The following ASIC2 variants were observed in gnomAD, a reference collection of about 807,000 sequenced individuals.
The protein encoded by ASIC2 is acid sensing ion channel subunit 2.
A neutral mutation model predicts 57.3 loss-of-function variants in ASIC2; 25 were observed. That is an observed-to-expected ratio of 0.44 (90% CI 0.32 to 0.61). The LOEUF (loss-of-function observed/expected upper bound fraction) is 0.61, where lower values mean the gene tolerates loss of function less well. ASIC2 is among the 20% of genes least tolerant of loss of function. The pLI is 0.06. For missense variants in ASIC2, 641 were observed against 738.1 expected, an observed-to-expected ratio of 0.87 and a Z score of 1.52; for synonymous variants, 319 against 307.5, an observed-to-expected ratio of 1.04 and a Z score of -0.39.
At chr17:33,474,451 T>G (rs894411572) in intron 1 of ASIC2, among the ~76,000 whole-genome samples, 3 of 152,154 alleles carry the variant, frequency 2.0e-5, no homozygotes, top group African/African-American at 7.2e-5. Context: ...ACAAAGGGAC[T>G]AGTGAGAAAG....
At chr17:33,626,575 G>A (rs1905990641) in intron 1 of ASIC2, among the ~76,000 whole-genome samples, 1 of 152,160 alleles carries the variant, frequency 6.6e-6, no homozygotes, top group African/African-American at 2.4e-5. Flanking sequence ...GGTACATCAT[G>A]CTTTGGGAAA....
chr17:34,020,678 T>C (rs978764763), intron 1 of ASIC2, among the ~76,000 whole-genome samples: 9 of 151,844 alleles, frequency 5.9e-5, no homozygotes, highest in African/African-American at 2.2e-4. Flanking sequence ...CTCAAGAAAA[T>C]GAGGACCTCA....
chr17:33,640,996 A>G (rs1906545481), intron 1 of ASIC2, among the ~76,000 whole-genome samples: 1 of 152,206 alleles, frequency 6.6e-6, no homozygotes, highest in African/African-American at 2.4e-5. Flanking sequence ...AATGGCAGCA[A>G]CATAGACCCT....
intron 9 of ASIC2, 95 bp downstream of exon 9, chr17:33,015,876 G>C: frequency 1.5e-6 from 2 of 1,324,938 alleles, no homozygotes; most frequent in Non-Finnish European, 2.1e-6. Context: ...TGTGCAGTGA[G>C]TCACATCTTT....
intron 1 of ASIC2, among the ~76,000 whole-genome samples, chr17:33,652,738 C>T (rs895181387): frequency 6.6e-6 from 1 of 152,248 alleles, no homozygotes; most frequent in Non-Finnish European, 1.5e-5. Flanking sequence ...CTTCCTGTCT[C>T]AGGGAAGCTG....
At chr17:34,034,501 A>C (rs1286698032) in intron 1 of ASIC2, among the ~76,000 whole-genome samples, 1 of 152,128 alleles carries the variant, frequency 6.6e-6, no homozygotes, top group East Asian at 1.9e-4. Context: ...AGTCTTGGAA[A>C]TTCTGGCCAG....
chr17:33,915,761 A>C (rs1416979651), intron 1 of ASIC2, among the ~76,000 whole-genome samples: 1 of 152,174 alleles, frequency 6.6e-6, no homozygotes, highest in Non-Finnish European at 1.5e-5. Context: ...AACTGACTTG[A>C]GGGTAAAGGA....
At chr17:33,091,897 C>T (rs966171125) in intron 2 of ASIC2, among the ~76,000 whole-genome samples, 1 of 152,142 alleles carries the variant, frequency 6.6e-6, no homozygotes, top group African/African-American at 2.4e-5. Context: ...GCTTGTGTGA[C>T]TGAGGAACTG....
At chr17:34,041,390 A>G (rs1410792085) in intron 1 of ASIC2, 1 of 152,200 alleles carries the variant, frequency 6.6e-6, no homozygotes, top group Admixed American at 6.5e-5. Flanking sequence ...CTTCTATTCA[A>G]TCACTCAGAT....
At chr17:33,395,069 C>T (rs904895442) in intron 1 of ASIC2, among the ~76,000 whole-genome samples, 2 of 150,712 alleles carry the variant, frequency 1.3e-5, no homozygotes, top group Non-Finnish European at 3.0e-5. Flanking sequence ...TCCATCCACT[C>T]ATCCATCATT....
rs111842009 is a variant in ASIC2, at chr17:33,875,792, A to AT, written c.555+280185dup. Among the ~76,000 whole-genome samples the AT allele has an allele frequency of 8.8e-3, 1,303 of 147,984 alleles. 14 individuals are homozygous for AT. Among genetic ancestry groups the AT allele is most frequent in the African/African-American group, 0.027 (1,094 of 40,584 alleles). On this transcript the variant is annotated intron_variant, in intron 1 of 9. Transcript: ENST00000359872. ...CACAGGAAAATGCTTAACTGGATGG[A>AT]TTTTTTTTTTTTAAAGAACAATCTC... is the stretch of plus-strand genomic sequence containing the variant.
intron 1 of ASIC2, among the ~76,000 whole-genome samples, chr17:33,396,991 A>G (rs1233440035): frequency 6.6e-6 from 1 of 152,230 alleles, no homozygotes; most frequent in Non-Finnish European, 1.5e-5. Flanking sequence ...ATTCTGACTC[A>G]TCTTTCACGG....
intron 1 of ASIC2, among the ~76,000 whole-genome samples, chr17:33,511,177 T>C (rs914186371): frequency 8.1e-6 from 1 of 122,846 alleles, no homozygotes; most frequent in Non-Finnish European, 1.6e-5. Context: ...GTCACCCTAA[T>C]TCTTGGTTCA....
intron 1 of ASIC2, among the ~76,000 whole-genome samples, chr17:33,412,475 G>A (rs1485924910): frequency 6.6e-6 from 1 of 152,168 alleles, no homozygotes. Flanking sequence ...CAGTCCTTGA[G>A]GTCCACATTA....
intron 1 of ASIC2, among the ~76,000 whole-genome samples, chr17:33,801,610 T>C (rs977686302): frequency 6.6e-6 from 1 of 152,200 alleles, no homozygotes; most frequent in Non-Finnish European, 1.5e-5. Context: ...ATCAAAATGC[T>C]GATGTAAGGA....
intron 1 of ASIC2, among the ~76,000 whole-genome samples, chr17:33,866,816 C>T (rs764207803): frequency 3.3e-5 from 5 of 152,130 alleles, no homozygotes; most frequent in Non-Finnish European, 5.9e-5. Flanking sequence ...TCCTCCAGGG[C>T]CTAAGAAGAA....
chr17:33,631,899 A>C (rs1906184303), intron 1 of ASIC2, among the ~76,000 whole-genome samples: 1 of 152,214 alleles, frequency 6.6e-6, no homozygotes, highest in African/African-American at 2.4e-5. Flanking sequence ...TGTAGGACAG[A>C]TGACCTTTAG....
At chr17:33,533,683 C>T (rs1374055772) in intron 1 of ASIC2, 1 of 152,186 alleles carries the variant, frequency 6.6e-6, no homozygotes, top group Non-Finnish European at 1.5e-5. Context: ...CCTGGGGAAT[C>T]ACCAATGTCT....
At chr17:33,138,123 C>G (rs563128981) in intron 1 of ASIC2, among the ~76,000 whole-genome samples, 3 of 152,114 alleles carry the variant, frequency 2.0e-5, no homozygotes, top group Non-Finnish European at 4.4e-5. Flanking sequence ...GGTCTGGCAC[C>G]AGGAAAGCCA....
Sources: allele counts gnomAD v4.1 joint callset (sites outside exome capture counted in the v4.1 genomes callset), GRCh38; gene constraint gnomAD v4.1.1; transcripts MANE v1.5; gene names NCBI Gene and HGNC (gene_info 2026-07-23, HGNC 2026-07-21).